PIWIL1: variants seen among roughly 807,000 people sequenced by gnomAD.
The protein encoded by PIWIL1 is piwi-like protein 1.
A neutral mutation model predicts 114.4 loss-of-function variants in PIWIL1; 73 were observed. The ratio of observed to expected loss-of-function variants is 0.64; its 90% CI spans 0.53 to 0.78. PIWIL1 has a LOEUF of 0.78. Among genes scored for constraint, PIWIL1 ranks in the 30% least tolerant of loss-of-function variants. PIWIL1 has a pLI of 0.00. For synonymous variants in PIWIL1, 375 were observed against 369.0 expected, an observed-to-expected ratio of 1.02 and a Z score of -0.19; for missense variants, 723 against 1,063.1, an observed-to-expected ratio of 0.68 and a Z score of 4.45.
At chr12:130,414,759 C>T in the PIWIL1 span, 2 of 154,764 alleles carry the variant, frequency 1.3e-5, no homozygotes, top group African/African-American at 4.8e-5. Flanking sequence ...TAACTGGCAA[C>T]AAATGCATCC....
At chr12:130,389,680 A>G in the PIWIL1 span, among the ~76,000 whole-genome samples, 1 of 152,056 alleles carries the variant, frequency 6.6e-6, no homozygotes, top group Non-Finnish European at 1.5e-5. Flanking sequence ...TTCCAGCTGT[A>G]TTTCCTTTAG....
At chr12:130,405,137 G>A in the PIWIL1 span, among the ~76,000 whole-genome samples, 2 of 152,152 alleles carry the variant, frequency 1.3e-5, no homozygotes, top group Non-Finnish European at 2.9e-5. Flanking sequence ...CCCCAAGGCA[G>A]AAACATTTGA....
the PIWIL1 span, chr12:130,397,753 C>A: frequency 2.7e-6 from 1 of 372,036 alleles, no homozygotes; most frequent in Non-Finnish European, 4.8e-6. Context: ...TGTGTGGGTT[C>A]CGTTTCTCTG....
chr12:130,402,448 T>C, the PIWIL1 span, among the ~76,000 whole-genome samples: 1 of 152,108 alleles, frequency 6.6e-6, no homozygotes. Context: ...TTTCGGGCCA[T>C]GTTTCCTGCC....
chr12:130,399,898 G>GT, the PIWIL1 span: 1 of 1,432,152 alleles, frequency 7.0e-7, no homozygotes, highest in Middle Eastern at 2.3e-4. Flanking sequence ...ACAGCTCAGA[G>GT]TACAGGTACA....
chr12:130,340,790 C>T (rs908119405), intron 1 of PIWIL1, among the ~76,000 whole-genome samples: 1 of 152,032 alleles, frequency 6.6e-6, no homozygotes, highest in Admixed American at 6.5e-5. Context: ...TGTCATGATG[C>T]GCACATTATA....
the PIWIL1 span, chr12:130,399,269 G>T: frequency 1.7e-6 from 1 of 578,360 alleles, no homozygotes; most frequent in Non-Finnish European, 2.5e-6. Context: ...AAACATGAAT[G>T]TAGTCTAATA....
chr12:130,423,679 G>T, the PIWIL1 span, among the ~76,000 whole-genome samples: 25 of 105,504 alleles, frequency 2.4e-4, no homozygotes, highest in East Asian at 6.0e-4. Context: ...AAAAAAAATA[G>T]ATTTCTTCAA....
chr12:130,399,882 A>G, the PIWIL1 span: 1 of 1,546,778 alleles, frequency 6.5e-7, no homozygotes, highest in Non-Finnish European at 8.9e-7. Context: ...CTTTGGCTAA[A>G]GGAATACAGC....
chr12:130,354,899 A>G lies in PIWIL1; in HGVS notation c.1183A>G (p.Lys395Glu). The G allele has an allele frequency of 6.2e-7, 1 of 1,610,724 alleles. No homozygotes were observed. The highest frequency in any genetic ancestry group is 2.2e-5 in the East Asian group (1 of 44,874). The stretch of plus-strand genomic sequence containing the variant: ...TGTCTTATTTAAAGGTCTAACTGAT[A>G]AAATGCGTAATGATTTTAACGTGAT... ...ELCYLTGLTD[K>E]MRNDFNVMKD... The change falls in exon 11 of 21, where the codon AAA (lysine) becomes GAA (glutamate). Residue 395 changes from lysine to glutamate, a missense_variant. By Grantham distance (56) the Lys-to-Glu change is moderately conservative. Around this residue, in one of 8 missense-constraint regions of PIWIL1, gnomAD observed 298 missense variants for 420.8 expected, o/e 0.71. Transcript: ENST00000245255.
At chr12:130,402,547 A>AACTT in the PIWIL1 span, among the ~76,000 whole-genome samples, 1 of 152,180 alleles carries the variant, frequency 6.6e-6, no homozygotes, top group East Asian at 1.9e-4. Flanking sequence ...TTTACAGAAT[A>AACTT]ACTTTCTCTA....
the PIWIL1 span, among the ~76,000 whole-genome samples, chr12:130,400,416 G>GTT: frequency 6.6e-6 from 1 of 152,184 alleles, no homozygotes; most frequent in African/African-American, 2.4e-5. Context: ...TATCCTTCCA[G>GTT]ATCTTTCTAC....
In PIWIL1 at chr12:130,356,950, C is replaced by G; in HGVS notation, c.1437C>G (p.Ser479=). Residue 479 remains serine, a synonymous_variant, in exon 13 of 21, where the codon TCC becomes TCG. Coordinates refer to ENST00000245255, the MANE Select transcript of PIWIL1 (RefSeq NM_004764.5). Reference sequence around the variant, plus strand: ...ACAATCCACAATTTGCAGATTGGTCCAAAGAAACAAGAGGTGCACCATTAA... The same window carrying G: ...ACAATCCACAATTTGCAGATTGGTCGAAAGAAACAAGAGGTGCACCATTAA... ...FDYNPQFADW[S]KETRGAPLIS... is the part of the protein sequence containing the mutation. 2 of 1,610,434 alleles carry G rather than the reference C, an allele frequency of 1.2e-6. No homozygotes were observed. Among genetic ancestry groups the G allele is most frequent in the Non-Finnish European group, 1.7e-6 (2 of 1,177,832 alleles).
At chr12:130,407,514 G>A in the PIWIL1 span, among the ~76,000 whole-genome samples, 1 of 152,226 alleles carries the variant, frequency 6.6e-6, no homozygotes, top group Non-Finnish European at 1.5e-5. Context: ...GACAGGGCTT[G>A]TCAGGGGCTG....
chr12:130,340,049 A>T (rs1158196723), intron 1 of PIWIL1, among the ~76,000 whole-genome samples: 1 of 152,076 alleles, frequency 6.6e-6, no homozygotes, highest in East Asian at 1.9e-4. Flanking sequence ...GAGTGCAGAG[A>T]TGTGGGGAGG....
At position 130,345,787 on chromosome 12, in the gene PIWIL1, G is replaced by A. The variant is rs374469378; in HGVS notation, c.225G>A (p.Ser75=). The change falls in exon 4 of 21, where the codon TCG becomes TCA. Residue 75 remains serine (S), a synonymous_variant. Coordinates refer to ENST00000245255, the MANE Select transcript of PIWIL1 (RefSeq NM_004764.5). ...LQISAGFQEL[S]LAERGGRRRD... Reference sequence around the variant, plus strand: ...TATCTGCTGGATTTCAGGAGTTATCGTTAGCAGAGAGAGGAGGTCGTCGTA... The same window carrying A: ...TATCTGCTGGATTTCAGGAGTTATCATTAGCAGAGAGAGGAGGTCGTCGTA... The A allele has an allele frequency of 4.1e-5, 66 of 1,613,822 alleles. 2 individuals carry two copies. Among genetic ancestry groups the A allele is most frequent in the Admixed American group, 2.0e-4 (12 of 60,000 alleles).
At chr12:130,367,879 C>T (rs116317184) in intron 19 of PIWIL1, among the ~76,000 whole-genome samples, 1,892 of 152,252 alleles carry the variant, frequency 0.012, 38 homozygotes, top group African/African-American at 0.044. Flanking sequence ...CTCGCTGTAA[C>T]CTCTGCCTCC....
the PIWIL1 span, among the ~76,000 whole-genome samples, chr12:130,416,009 C>G: frequency 6.6e-6 from 1 of 152,038 alleles, no homozygotes; most frequent in South Asian, 2.1e-4. Context: ...AACCAAGACA[C>G]ACAGAATGTA....
the PIWIL1 span, among the ~76,000 whole-genome samples, chr12:130,417,404 C>T: frequency 6.6e-6 from 1 of 152,180 alleles, no homozygotes; most frequent in Non-Finnish European, 1.5e-5. Flanking sequence ...GCTATGCAGC[C>T]AGAGAAATGA....
Sources: gnomAD v4.1 joint callset for allele counts (sites outside exome capture counted in the v4.1 genomes callset) on GRCh38, gnomAD v4.1.1 for gene constraint, gnomAD v4.1.1 regional missense constraint, MANE v1.5 for transcripts, NCBI Gene and HGNC (gene_info 2026-07-23, HGNC 2026-07-21) for gene names.